Variants in FRMD7 observed in about 807,000 individuals in gnomAD.
FRMD7 encodes FERM domain containing 7, also known as FERM domain-containing protein 7.
FRMD7 carries 14 observed loss-of-function variants against 44.1 expected under a neutral mutation model. The observed-to-expected ratio is 0.32, with a 90% CI of 0.21 to 0.50. The LOEUF (loss-of-function observed/expected upper bound fraction) is 0.50. FRMD7 is among the 20% of genes least tolerant of loss of function. The pLI, the probability that FRMD7 is intolerant of heterozygous loss-of-function variation, is 0.99. For synonymous variants in FRMD7, 212 were observed against 187.4 expected, an observed-to-expected ratio of 1.13 and a Z score of -1.07; for missense variants, 501 against 522.3, an observed-to-expected ratio of 0.96 and a Z score of 0.40.
intron 1 of FRMD7, among the ~76,000 whole-genome samples, chrX:132,102,453 G>T (rs1272332461): frequency 8.9e-6 from 1 of 111,823 alleles, no homozygotes; most frequent in Non-Finnish European, 1.9e-5. Flanking sequence ...CCCCTGGGGG[G>T]GGTGGCACCA....
In FRMD7 at chrX:132,078,006, T is replaced by A; in HGVS notation, c.2011A>T (p.Arg671Trp). 8.3e-7 allele frequency: 1 copy of A among 1,211,043 alleles called. No homozygotes were observed. The part of the protein sequence containing the change: ...DYYALYGKEI[R>W]SPMARIRLSS... ...AGGCGGATTCTGGCCATGGGTGACC[T>A]TATTTCTTTGCCATACAAAGCATAG... is the stretch of plus-strand genomic sequence containing the variant. Residue 671 changes from arginine to tryptophan, a missense_variant, in exon 12 of 12, where the codon AGG (arginine) becomes TGG (tryptophan). Arg to Trp is a moderately radical substitution (Grantham distance 101). Coordinates refer to ENST00000298542, the MANE Select transcript of FRMD7 (RefSeq NM_194277.3).
rs766681979 is a variant in FRMD7 at position 132,086,054 on chromosome X, C to A, written c.383-20G>T. On this transcript the variant is annotated intron_variant, in intron 5 of 11. Coordinates refer to ENST00000298542, the MANE Select transcript of FRMD7 (RefSeq NM_194277.3). ...GTTCTGCTGCATGACAGGAAAAAGA[C>A]ATTTTTCACATTACCTTTGAGGAAC... The A allele has an allele frequency of 4.2e-6, 4 of 962,536 alleles. No individual in the cohort carries two copies. Among genetic ancestry groups the A allele is most frequent in the Non-Finnish European group, 4.5e-6 (3 of 668,258 alleles). The allele number at this position is 962,536 out of a possible 1,213,427, so 79.3% of individuals were successfully genotyped here.
intron 5 of FRMD7, among the ~76,000 whole-genome samples, chrX:132,091,837 AAAATAATATTT>A (rs1185974341): frequency 1.4e-4 from 16 of 111,377 alleles, no homozygotes; most frequent in Admixed American, 4.8e-4. Context: ...CCCATCTCAA[AAAATAATATTT>A]ATGCCGATGT....
At chrX:132,127,757 A>G in intron 1 of FRMD7, 31 bp downstream of exon 1, 1 of 1,099,198 alleles carries the variant, frequency 9.1e-7, no homozygotes, top group Non-Finnish European at 1.3e-6. Flanking sequence ...ATGAATAATA[A>G]AGGAATAATA....
intron 5 of FRMD7, 142 bp downstream of exon 5, chrX:132,093,900 G>A: frequency 2.0e-6 from 1 of 509,460 alleles, no homozygotes. Flanking sequence ...CTCAGGCCAT[G>A]CTGTTTCTCT....
chrX:132,100,767 T>A (rs1286940195), intron 1 of FRMD7, 51 bp from the exon 2 acceptor site: 3 of 871,571 alleles, frequency 3.4e-6, no homozygotes, highest in Non-Finnish European at 5.1e-6. Context: ...AACCTGATAC[T>A]GCAGCACGGA....
rs754705417 is a variant in FRMD7, at chrX:132,108,507, A to G, written c.58-7791T>C. ...GTGTCTGACACATAGGAAGAACTCA[A>G]TAAGTGTTGACTACTTCTAGGTGAC... On this transcript the variant is annotated intron_variant, in intron 1 of 11. Transcript: ENST00000298542. Among the ~76,000 whole-genome samples the G allele has an allele frequency of 8.9e-5, 10 of 111,959 alleles. No individual in the cohort carries two copies. The East Asian group carries it at 2.2e-3, about 25-fold the overall frequency.
chrX:132,097,046 C>A (rs1206872400), intron 4 of FRMD7, among the ~76,000 whole-genome samples: 1 of 110,955 alleles, frequency 9.0e-6, no homozygotes, highest in Non-Finnish European at 1.9e-5. Context: ...CAGGCTTGAA[C>A]TTCTAGAACA....
At chrX:132,108,589 A>G (rs1050188126) in intron 1 of FRMD7, among the ~76,000 whole-genome samples, 1 of 111,365 alleles carries the variant, frequency 9.0e-6, no homozygotes. Context: ...GGCACTTGTA[A>G]TAAGGATATT....
chrX:132,115,016 C>T (rs896594226), intron 1 of FRMD7, among the ~76,000 whole-genome samples: 1 of 112,637 alleles, frequency 8.9e-6, no homozygotes, highest in Non-Finnish European at 1.9e-5. Flanking sequence ...CCGATCACCA[C>T]ATATGTCGTG....
In FRMD7 at chrX:132,078,888, C is replaced by G; in HGVS notation, c.1129G>C (p.Glu377Gln). ...NGVHASEPVL[E>Q]SRRRNSALEV... is the part of the protein sequence containing the mutation. ...AATGCAGAATTCCTCCTCCTACTCT[C>G]CAGCACTGGCTCAGATGCGTGCACT... The change falls in exon 12 of 12, where the codon GAG (glutamate) becomes CAG (glutamine). Residue 377 changes from glutamate (E) to glutamine (Q), a missense_variant. Coordinates refer to ENST00000298542, the MANE Select transcript of FRMD7 (RefSeq NM_194277.3). 1 of 1,205,603 alleles carries G rather than the reference C, an allele frequency of 8.3e-7. No homozygotes were observed. The highest frequency in any genetic ancestry group is 1.1e-6 in the Non-Finnish European group (1 of 890,084).
chrX:132,105,612 C>T (rs1458914443), intron 1 of FRMD7, among the ~76,000 whole-genome samples: 1 of 111,937 alleles, frequency 8.9e-6, no homozygotes, highest in Non-Finnish European at 1.9e-5. Flanking sequence ...TCAAACTATA[C>T]TACAGGGCTA....
intron 1 of FRMD7, among the ~76,000 whole-genome samples, chrX:132,105,930 C>A (rs759889951): frequency 9.7e-6 from 1 of 103,572 alleles, no homozygotes; most frequent in African/African-American, 3.7e-5. Context: ...TAGATAACAC[C>A]ATCCTGGACA....
At chrX:132,113,895 T>C (rs1446977452) in intron 1 of FRMD7, among the ~76,000 whole-genome samples, 3 of 110,431 alleles carry the variant, frequency 2.7e-5, no homozygotes, top group Non-Finnish European at 5.7e-5. Context: ...TCTATTTTTT[T>C]TTCTACTGAT....
intron 8 of FRMD7, 93 bp from the exon 9 acceptor site, chrX:132,082,619 C>A (rs1204180599): frequency 6.1e-6 from 5 of 819,828 alleles, no homozygotes; most frequent in Non-Finnish European, 7.3e-6. Context: ...CTCCGTTGGC[C>A]CATGCAGCTT....
intron 5 of FRMD7, among the ~76,000 whole-genome samples, chrX:132,093,643 A>G (rs1928246437): frequency 8.9e-6 from 1 of 112,683 alleles, no homozygotes; most frequent in African/African-American, 3.2e-5. Flanking sequence ...CAACAGAGAA[A>G]TCACAACAAA....
At chrX:132,104,561 C>T (rs1173654971) in intron 1 of FRMD7, among the ~76,000 whole-genome samples, 2 of 110,992 alleles carry the variant, frequency 1.8e-5, no homozygotes, top group Non-Finnish European at 3.8e-5. Context: ...TGCGTGGTGG[C>T]GGGTGCCTGT....
intron 4 of FRMD7, among the ~76,000 whole-genome samples, chrX:132,095,556 C>T (rs1254773896): frequency 8.9e-6 from 1 of 111,973 alleles, no homozygotes; most frequent in African/African-American, 3.2e-5. Flanking sequence ...ATGTGAAAAT[C>T]TAGATTGAAA....
rs35202781 is a variant in FRMD7, at chrX:132,087,535, AT to A, written c.383-1502del. ...GACCAAAGAAATGGCTCATTGATTA[AT>A]TTTTTTTGCCAATACTGATAAATGT... On this transcript the variant is annotated intron_variant, in intron 5 of 11. Coordinates refer to ENST00000298542, the MANE Select transcript of FRMD7 (RefSeq NM_194277.3). Among the ~76,000 whole-genome samples, 66 of 111,300 alleles carry A rather than the reference AT, an allele frequency of 5.9e-4. 1 individual carries two copies. The highest frequency in any genetic ancestry group is 1.8e-3 in the African/African-American group (56 of 30,666).
Sources: gnomAD v4.1 joint callset for allele counts (sites outside exome capture counted in the v4.1 genomes callset) on GRCh38, gnomAD v4.1.1 for gene constraint, MANE v1.5 for transcripts, NCBI Gene and HGNC (gene_info 2026-07-23, HGNC 2026-07-21) for gene names.